SLC1A6: variants seen among roughly 807,000 people sequenced by gnomAD.
SLC1A6 encodes the protein excitatory amino acid transporter 4.
Under a neutral mutation model 42.1 loss-of-function variants are expected in SLC1A6, and 15 were observed. The ratio of observed to expected loss-of-function variants is 0.36; its 90% CI spans 0.24 to 0.55. The LOEUF (loss-of-function observed/expected upper bound fraction) is 0.55. Among genes scored for constraint, SLC1A6 ranks in the 20% least tolerant of loss-of-function variants. SLC1A6 has a pLI of 0.88. For synonymous variants in SLC1A6, 317 were observed against 319.7 expected, an observed-to-expected ratio of 0.99 and a Z score of 0.09; for missense variants, 542 against 772.5, an observed-to-expected ratio of 0.70 and a Z score of 3.54.
At chr19:14,956,933 C>T (rs1288438858) in intron 6 of SLC1A6, among the ~76,000 whole-genome samples, 1 of 152,140 alleles carries the variant, frequency 6.6e-6, no homozygotes, top group African/African-American at 2.4e-5. Context: ...CATCTCCCCA[C>T]CATGGTAGAA....
chr19:15,006,338 C>T (rs752442025), intron 1 of SLC1A6, among the ~76,000 whole-genome samples: 2 of 152,098 alleles, frequency 1.3e-5, no homozygotes, highest in Non-Finnish European at 2.9e-5. Flanking sequence ...AGAATACAGA[C>T]CATAATATCC....
chr19:15,009,905 C>T (rs1333826677), intron 1 of SLC1A6, among the ~76,000 whole-genome samples: 3 of 152,000 alleles, frequency 2.0e-5, no homozygotes, highest in Non-Finnish European at 2.9e-5. Context: ...CTAAGCCAGG[C>T]GTGGTGGCTC....
intron 1 of SLC1A6, among the ~76,000 whole-genome samples, chr19:14,976,031 C>T (rs2045707245): frequency 6.6e-6 from 1 of 152,124 alleles, no homozygotes; most frequent in African/African-American, 2.4e-5. Flanking sequence ...TTCTTCCAGG[C>T]ATACTGAGAA....
chr19:14,961,909 C>A (rs2045515745), intron 6 of SLC1A6, 93 bp downstream of exon 6: 4 of 1,502,910 alleles, frequency 2.7e-6, no homozygotes, highest in Non-Finnish European at 8.8e-7. Context: ...AAATGAATGA[C>A]CAAAAGTCCC....
chr19:14,970,508 G>A (rs577632412), intron 3 of SLC1A6, among the ~76,000 whole-genome samples: 3 of 151,806 alleles, frequency 2.0e-5, no homozygotes, highest in Non-Finnish European at 2.9e-5. Flanking sequence ...TCAGGAGATC[G>A]AGACCATCCT....
chr19:14,951,273 A>AGAAAG (rs1555704145), intron 9 of SLC1A6, among the ~76,000 whole-genome samples: 103 of 99,750 alleles, frequency 1.0e-3, no homozygotes, highest in African/African-American at 2.2e-3. Flanking sequence ...AAAAAAAAAA[A>AGAAAG]AAAAAGAAAG....
intron 4 of SLC1A6, among the ~76,000 whole-genome samples, chr19:14,966,227 C>CA (rs1193745645): frequency 1.3e-5 from 2 of 152,172 alleles, no homozygotes; most frequent in African/African-American, 4.8e-5. Context: ...CACAGTGGCT[C>CA]ACGTCTGTAA....
chr19:14,960,243 T>G (rs904747759), intron 6 of SLC1A6, among the ~76,000 whole-genome samples: 1 of 152,160 alleles, frequency 6.6e-6, no homozygotes, highest in Admixed American at 6.5e-5. Context: ...AAGAGAATAC[T>G]TGAATAAATG....
At chr19:14,998,583 AAG>A (rs2045857945) in intron 1 of SLC1A6, among the ~76,000 whole-genome samples, 1 of 152,134 alleles carries the variant, frequency 6.6e-6, no homozygotes, top group Non-Finnish European at 1.5e-5. Context: ...ACAACAAAAA[AAG>A]CAGAGATCTT....
chr19:14,993,834 G>A (rs1483885508), intron 1 of SLC1A6, among the ~76,000 whole-genome samples: 1 of 152,142 alleles, frequency 6.6e-6, no homozygotes, highest in Non-Finnish European at 1.5e-5. Context: ...GGTGGGCAGT[G>A]AGCTGAGTGC....
chr19:15,008,021 G>GC (rs35846384), intron 1 of SLC1A6, among the ~76,000 whole-genome samples: 18,882 of 120,328 alleles, frequency 0.16, 1,349 homozygotes, highest in South Asian at 0.27. Context: ...TCAAAAGTCT[G>GC]CCCCCCCCCC....
At chr19:15,010,442 G>A (rs1304240322) in intron 1 of SLC1A6, 1 of 481,300 alleles carries the variant, frequency 2.1e-6, no homozygotes, top group South Asian at 1.5e-5. Context: ...GTAACGGCGA[G>A]AGGAATGCCT....
chr19:14,981,943 G>A (rs146224976), upstream of SLC1A6, among the ~76,000 whole-genome samples: 120 of 152,056 alleles, frequency 7.9e-4, no homozygotes, highest in African/African-American at 2.9e-3. Flanking sequence ...CAGGAGGACC[G>A]CTTGAGTCCA....
At chr19:15,004,565 T>C (rs1000755572) in intron 1 of SLC1A6, among the ~76,000 whole-genome samples, 2 of 148,740 alleles carry the variant, frequency 1.3e-5, no homozygotes, top group African/African-American at 5.0e-5. Flanking sequence ...TCAATTGTGA[T>C]GGCATGCACC....
At chr19:14,950,641 G>A (rs1039468047) in intron 9 of SLC1A6, among the ~76,000 whole-genome samples, 8 of 151,960 alleles carry the variant, frequency 5.3e-5, no homozygotes, top group Non-Finnish European at 1.2e-4. Context: ...AATGAGGCTG[G>A]GTGTGGTTTA....
At chr19:14,960,625 AC>A (rs1270147698) in intron 6 of SLC1A6, among the ~76,000 whole-genome samples, 1 of 152,224 alleles carries the variant, frequency 6.6e-6, no homozygotes, top group Non-Finnish European at 1.5e-5. Context: ...TTGTGACAAC[AC>A]AGATGAACCT....
rs137915795 is a variant in SLC1A6 at position 15,005,905 on chromosome 19, C to A, written c.6+4580G>T. Among the ~76,000 whole-genome samples the A allele has an allele frequency of 2.9e-4, 44 of 152,280 alleles. No homozygotes were observed. The East Asian group carries it at 8.5e-3, about 29-fold the overall frequency. On this transcript the variant is annotated intron_variant, in intron 1 of 8. Coordinates refer to the SLC1A6 transcript ENST00000430939. ...CTCAGGTAGCTTGGTACAAGTTCTG[C>A]CCAACAGAGGTGCTTCATACACCAG... is the stretch of plus-strand genomic sequence containing the variant.
chr19:14,983,317 T>C (rs2045776795), upstream of SLC1A6, among the ~76,000 whole-genome samples: 1 of 152,178 alleles, frequency 6.6e-6, no homozygotes, highest in Non-Finnish European at 1.5e-5. Flanking sequence ...TTTAAAATGG[T>C]CCTGAGCACT....
In SLC1A6 at chr19:14,971,609, G is replaced by A. The variant is rs2045640932; in HGVS notation, c.343+128C>T. On this transcript the variant is annotated intron_variant, in intron 3 of 9. Coordinates refer to ENST00000594383, the MANE Select transcript of SLC1A6 (RefSeq NM_005071.3). ...TTGTTTGGCCAAGGACGCTGGACCA[G>A]ACACAGGCTCCATGTTTGAGGTGCC... 1.4e-5 allele frequency: 13 copies of A among 943,048 alleles called. No homozygotes were observed. In the South Asian group the frequency reaches 1.8e-4, roughly 13 times the overall value. 58.4% of individuals were successfully genotyped at this position (943,048 alleles called of 1,614,324 possible).
Sources: gnomAD v4.1 joint callset for allele counts (sites outside exome capture counted in the v4.1 genomes callset) on GRCh38, gnomAD v4.1.1 for gene constraint, MANE v1.5 for transcripts, NCBI Gene and HGNC (gene_info 2026-07-23, HGNC 2026-07-21) for gene names.